Variants in CD86 observed in about 807,000 individuals in gnomAD.
CD86 encodes CD86 molecule.
A neutral mutation model predicts 32.1 loss-of-function variants in CD86; 11 were observed. That is an observed-to-expected ratio of 0.34 (90% confidence interval 0.22 to 0.57). The LOEUF (loss-of-function observed/expected upper bound fraction) is 0.57. Ranked by LOEUF, CD86 falls within the 20% of genes least tolerant of loss-of-function variation. CD86 has a pLI of 0.86. For missense variants in CD86, 359 were observed against 398.4 expected (o/e 0.90, Z 0.84); for synonymous variants, 137 against 135.3 (o/e 1.01, Z -0.09).
At chr3:122,077,001 A>G (rs571678471) in intron 1 of CD86, among the ~76,000 whole-genome samples, 1 of 152,260 alleles carries the variant, frequency 6.6e-6, no homozygotes, top group Admixed American at 6.5e-5. Context: ...CCCTGTCAAC[A>G]ACAAACTGTC....
intron 1 of CD86, among the ~76,000 whole-genome samples, chr3:122,087,606 C>T (rs1469499274): frequency 1.3e-5 from 2 of 152,144 alleles, no homozygotes; most frequent in African/African-American, 2.4e-5. Flanking sequence ...ATTTTAACAT[C>T]CTATTACAGC....
At chr3:122,069,523 C>T (rs1377494809) in intron 1 of CD86, among the ~76,000 whole-genome samples, 1 of 152,144 alleles carries the variant, frequency 6.6e-6, no homozygotes, top group Non-Finnish European at 1.5e-5. Context: ...ACACGACAGG[C>T]AGGTGAGGAA....
At chr3:122,109,978 T>C (rs2073148549) in intron 5 of CD86, among the ~76,000 whole-genome samples, 1 of 152,178 alleles carries the variant, frequency 6.6e-6, no homozygotes, top group African/African-American at 2.4e-5. Context: ...TAAGAAAAAA[T>C]GATTACACAA....
chr3:122,100,770 T>G (rs561571060), intron 2 of CD86, among the ~76,000 whole-genome samples: 4 of 152,200 alleles, frequency 2.6e-5, no homozygotes, highest in Non-Finnish European at 4.4e-5. Flanking sequence ...GACTTGTTCC[T>G]GACATCATAG....
At chr3:122,075,306 C>A (rs1227621097) in intron 1 of CD86, among the ~76,000 whole-genome samples, 1 of 152,100 alleles carries the variant, frequency 6.6e-6, no homozygotes, top group Non-Finnish European at 1.5e-5. Flanking sequence ...ACATGAGGGG[C>A]AGTTGAGAAC....
intron 2 of CD86, among the ~76,000 whole-genome samples, chr3:122,101,513 A>AAAAATATAT (rs1202377219): frequency 3.9e-4 from 18 of 46,326 alleles, no homozygotes; most frequent in Non-Finnish European, 4.9e-4. Flanking sequence ...AAAAAAAAAA[A>AAAAATATAT]ATATATATAT....
At chr3:122,091,808 A>T in intron 2 of CD86, 158 bp downstream of exon 2, 1 of 655,388 alleles carries the variant, frequency 1.5e-6, no homozygotes, top group Non-Finnish European at 2.7e-6. Flanking sequence ...GAGAAGAAGG[A>T]AGTGTTATGA....
intron 2 of CD86, among the ~76,000 whole-genome samples, chr3:122,101,149 G>A (rs1354769764): frequency 6.6e-6 from 1 of 151,776 alleles, no homozygotes; most frequent in Non-Finnish European, 1.5e-5. Context: ...AGGGATGGAT[G>A]GAAAAAAAAT....
intron 2 of CD86, among the ~76,000 whole-genome samples, chr3:122,098,474 T>A (rs1365877297): frequency 2.0e-5 from 3 of 152,082 alleles, no homozygotes; most frequent in African/African-American, 7.2e-5. Context: ...TGATAGGTAC[T>A]GGGGACCCAA....
intron 1 of CD86, among the ~76,000 whole-genome samples, chr3:122,058,618 T>G (rs939484185): frequency 2.6e-5 from 4 of 151,990 alleles, no homozygotes; most frequent in Non-Finnish European, 5.9e-5. Flanking sequence ...AGATGCCTAA[T>G]GGGGAGTAAT....
intron 6 of CD86, among the ~76,000 whole-genome samples, chr3:122,119,106 C>T (rs926702660): frequency 1.3e-5 from 2 of 152,128 alleles, no homozygotes; most frequent in African/African-American, 4.8e-5. Flanking sequence ...TTCCGGGCAC[C>T]CTTGGACAAT....
chr3:122,089,362 T>C (rs1220801519), intron 1 of CD86, among the ~76,000 whole-genome samples: 1 of 152,246 alleles, frequency 6.6e-6, no homozygotes, highest in Non-Finnish European at 1.5e-5. Flanking sequence ...CTAAAACTTA[T>C]GAGATCTAAT....
Position 122,120,088 on chromosome 3 carries a change from C to G in CD86, c.*554C>G, listed in dbSNP as rs2073319848. 1 of 152,432 alleles carries G rather than the reference C, an allele frequency of 6.6e-6. No individual in the cohort carries two copies. The highest frequency in any genetic ancestry group is 1.5e-5 in the Non-Finnish European group (1 of 68,328). 9.4% of individuals were successfully genotyped at this position (152,432 alleles called of 1,614,324 possible). The stretch of plus-strand genomic sequence containing the variant: ...ACTATGCTCTAGAGAAAAGTCTACC[C>G]CTGCTAAGGAGTTCTCATCCCTCTG... On this transcript the variant is annotated 3_prime_UTR_variant, in exon 7 of 7. Transcript: ENST00000330540.
intron 1 of CD86, among the ~76,000 whole-genome samples, chr3:122,081,468 A>G (rs986208046): frequency 2.6e-5 from 4 of 152,260 alleles, no homozygotes; most frequent in East Asian, 1.9e-4. Flanking sequence ...CCCATTAAAC[A>G]GATGCCTCGG....
At chr3:122,102,544 C>T (rs1176870407) in intron 2 of CD86, among the ~76,000 whole-genome samples, 3 of 149,432 alleles carry the variant, frequency 2.0e-5, no homozygotes, top group African/African-American at 5.0e-5. Flanking sequence ...CCCAAAGTGT[C>T]CTCAAGGACT....
intron 1 of CD86, among the ~76,000 whole-genome samples, chr3:122,067,216 A>G (rs1488412531): frequency 2.6e-5 from 4 of 152,226 alleles, no homozygotes; most frequent in African/African-American, 7.2e-5. Flanking sequence ...TGTCTTGCTG[A>G]GAAGCGTGAA....
At chr3:122,110,973 GA>G (rs987588481) in intron 5 of CD86, among the ~76,000 whole-genome samples, 1 of 152,106 alleles carries the variant, frequency 6.6e-6, no homozygotes, top group African/African-American at 2.4e-5. Context: ...GAGGCAATCA[GA>G]AAAAAATCAG....
chr3:122,111,476 G>C (rs1248542979), intron 5 of CD86, among the ~76,000 whole-genome samples: 2 of 152,206 alleles, frequency 1.3e-5, no homozygotes, highest in Non-Finnish European at 2.9e-5. Context: ...GGATTATCCA[G>C]GTGGGCCCAA....
chr3:122,100,915 T>C (rs2072989603), intron 2 of CD86, among the ~76,000 whole-genome samples: 1 of 152,036 alleles, frequency 6.6e-6, no homozygotes, highest in Non-Finnish European at 1.5e-5. Flanking sequence ...GGTCATAAAA[T>C]GGAAGGCCTG....
Sources: gnomAD v4.1 joint callset for allele counts (sites outside exome capture counted in the v4.1 genomes callset) on GRCh38, gnomAD v4.1.1 for gene constraint, MANE v1.5 for transcripts, NCBI Gene and HGNC (gene_info 2026-07-23, HGNC 2026-07-21) for gene names.